Variants in IFT88 observed in about 807,000 individuals in gnomAD.
The protein encoded by IFT88 is intraflagellar transport 88.
A neutral mutation model predicts 119.5 loss-of-function variants in IFT88; 74 were observed. That is an observed-to-expected ratio of 0.62 (90% CI 0.51 to 0.75). The LOEUF is 0.75. Ranked by LOEUF, IFT88 falls within the 30% of genes least tolerant of loss-of-function variation. The probability of loss-of-function intolerance (pLI) is 0.00; values close to 1 mark genes in which losing one functional copy is unlikely to be tolerated. For synonymous variants in IFT88, 279 were observed against 316.7 expected (o/e 0.88, Z 1.26); for missense variants, 961 against 977.7 (o/e 0.98, Z 0.23).
intron 24 of IFT88, among the ~76,000 whole-genome samples, chr13:20,689,369 A>G (rs943860027): frequency 1.6e-4 from 24 of 152,340 alleles, no homozygotes; most frequent in African/African-American, 5.5e-4. Context: ...ACATCTGTGT[A>G]AAAAGTGAAA....
intron 2 of IFT88, among the ~76,000 whole-genome samples, chr13:20,582,244 C>T (rs2038830979): frequency 6.6e-6 from 1 of 152,142 alleles, no homozygotes; most frequent in African/African-American, 2.4e-5. Flanking sequence ...GTTCAGGAAA[C>T]ACAGGAACCC....
At chr13:20,570,315 G>T (rs1281055695) in intron 1 of IFT88, among the ~76,000 whole-genome samples, 1 of 152,188 alleles carries the variant, frequency 6.6e-6, no homozygotes, top group African/African-American at 2.4e-5. Context: ...CAGTCTAGCT[G>T]TTCCTCCAAA....
intron 23 of IFT88, among the ~76,000 whole-genome samples, chr13:20,666,351 A>G (rs193122348): frequency 9.8e-4 from 150 of 152,340 alleles, no homozygotes; most frequent in African/African-American, 3.4e-3. Context: ...GACATCCAGC[A>G]ACATTTTGAT....
intron 7 of IFT88, 96 bp from the exon 8 acceptor site, chr13:20,596,054 G>GTAAAA (rs59556709): frequency 0.83 from 173,755 of 210,032 alleles, 73,373 homozygotes; most frequent in East Asian, 0.93. Context: ...GACCTTGTCT[G>GTAAAA]TAAAATAAAA....
chr13:20,577,471 A>T (rs1183066513), intron 2 of IFT88, among the ~76,000 whole-genome samples: 1 of 151,922 alleles, frequency 6.6e-6, no homozygotes, highest in Non-Finnish European at 1.5e-5. Flanking sequence ...GTTTTTTTTC[A>T]TTCAGTATAT....
At chr13:20,631,322 A>T in intron 16 of IFT88, 1 of 492,928 alleles carries the variant, frequency 2.0e-6, no homozygotes, top group Non-Finnish European at 3.7e-6. Context: ...GAGGAAGAAA[A>T]ATTGTAGTGA....
chr13:20,688,743 T>A (rs574206218), intron 24 of IFT88, among the ~76,000 whole-genome samples: 3 of 152,194 alleles, frequency 2.0e-5, no homozygotes, highest in African/African-American at 7.2e-5. Context: ...TTTATTTATA[T>A]TAGAGATGGG....
chr13:20,637,175 T>G (rs973764670), intron 16 of IFT88, among the ~76,000 whole-genome samples: 2 of 151,906 alleles, frequency 1.3e-5, no homozygotes, highest in African/African-American at 2.4e-5. Context: ...GGGTACAGGG[T>G]TTCTTTTGAG....
At chr13:20,687,278 G>T (rs76220110) in intron 24 of IFT88, among the ~76,000 whole-genome samples, 1 of 152,116 alleles carries the variant, frequency 6.6e-6, no homozygotes, top group African/African-American at 2.4e-5. Flanking sequence ...ATTAGAGATT[G>T]TGAGTTTCCT....
intron 15 of IFT88, among the ~76,000 whole-genome samples, chr13:20,630,771 T>C (rs1413841561): frequency 2.6e-5 from 4 of 152,248 alleles, no homozygotes; most frequent in Non-Finnish European, 5.9e-5. Context: ...TCTAATCTGC[T>C]GTTAGAACAT....
intron 1 of IFT88, among the ~76,000 whole-genome samples, chr13:20,572,961 A>G (rs1158400404): frequency 6.6e-6 from 1 of 152,140 alleles, no homozygotes; most frequent in Non-Finnish European, 1.5e-5. Context: ...TTGCGTAAGT[A>G]TGCCACATTT....
At chr13:20,680,312 T>C (rs1454216395) in intron 24 of IFT88, among the ~76,000 whole-genome samples, 1 of 152,212 alleles carries the variant, frequency 6.6e-6, no homozygotes, top group East Asian at 1.9e-4. Context: ...CAACAAGATA[T>C]TCATAATAGT....
intron 20 of IFT88, among the ~76,000 whole-genome samples, chr13:20,646,599 T>G (rs2050795191): frequency 6.6e-6 from 1 of 152,130 alleles, no homozygotes; most frequent in African/African-American, 2.4e-5. Context: ...ATTACAGGCG[T>G]GAGACACCAC....
At position 20,592,437 on chromosome 13, in the gene IFT88, G is replaced by C. The variant is rs778468700; in HGVS notation, c.398+33G>C. On this transcript the variant is annotated intron_variant, in intron 7 of 25. Transcript: ENST00000351808. ...AGTCCTTATGTTGTTGTTTGTTGTT[G>C]TTGCTGCATATTTTAAATTTTTATT... is the stretch of plus-strand genomic sequence containing the variant. 4.1e-6 allele frequency: 6 copies of C among 1,475,490 alleles called. No individual in the cohort carries two copies. The South Asian group carries it at 6.2e-5, about 15-fold the overall frequency. 91.4% of individuals were successfully genotyped at this position (1,475,490 alleles called of 1,614,324 possible). A position where few individuals can be genotyped will look rare whatever the true frequency, so the allele number is the denominator to read the frequency against.
chr13:20,583,800 T>TTA (rs2039148689), intron 3 of IFT88, among the ~76,000 whole-genome samples: 1 of 152,338 alleles, frequency 6.6e-6, no homozygotes, highest in Non-Finnish European at 1.5e-5. Context: ...GTGTTCATTT[T>TTA]TATATATGGT....
Position 20,625,815 on chromosome 13 carries a change from C to A in IFT88, c.1265C>A (p.Ala422Glu). 6.3e-7 allele frequency: 1 copy of A among 1,599,850 alleles called. No individual in the cohort carries two copies. Among genetic ancestry groups the A allele is most frequent in the Non-Finnish European group, 8.5e-7 (1 of 1,176,382 alleles). The change falls in exon 15 of 26, where the codon GCA becomes GAA. Residue 422 changes from alanine (A) to glutamate (E), a missense_variant. Coordinates refer to ENST00000351808, the MANE Select transcript of IFT88 (RefSeq NM_006531.5). ...ELANDLEINKAVTYLRQKDYN... is the reference protein window; with the variant it reads ...ELANDLEINKEVTYLRQKDYN... Reference sequence around the variant, plus strand: ...GCCAATGATCTGGAAATAAACAAAGCAGTTACATACTTGAGACAAAAAGAC... The same window carrying A: ...GCCAATGATCTGGAAATAAACAAAGAAGTTACATACTTGAGACAAAAAGAC...
chr13:20,573,958 A>T (rs906076597), intron 1 of IFT88, among the ~76,000 whole-genome samples: 1 of 152,228 alleles, frequency 6.6e-6, no homozygotes, highest in Non-Finnish European at 1.5e-5. Flanking sequence ...ATGTGAAAAA[A>T]ATTGAAGCCA....
At chr13:20,607,807 G>A (rs981786038) in intron 13 of IFT88, 3 of 740,406 alleles carry the variant, frequency 4.1e-6, no homozygotes, top group Middle Eastern at 2.5e-4. Flanking sequence ...GAGCTATTCA[G>A]TTGTCAATGC....
chr13:20,656,939 A>G (rs890253472), intron 22 of IFT88, among the ~76,000 whole-genome samples: 1 of 152,038 alleles, frequency 6.6e-6, no homozygotes, highest in Non-Finnish European at 1.5e-5. Flanking sequence ...GCTCACCACA[A>G]CCTCCACCTC....
Sources: allele counts gnomAD v4.1 joint callset (sites outside exome capture counted in the v4.1 genomes callset), GRCh38; gene constraint gnomAD v4.1.1; transcripts MANE v1.5; gene names NCBI Gene and HGNC (gene_info 2026-07-23, HGNC 2026-07-21).